Variants in SYTL3 observed in about 807,000 individuals in gnomAD.
The protein encoded by SYTL3 is synaptotagmin-like protein 3.
A neutral mutation model predicts 82.1 loss-of-function variants in SYTL3; 88 were observed. That is an observed-to-expected ratio of 1.07 (90% confidence interval 0.90 to 1.28). The LOEUF is 1.28. Among genes scored for constraint, SYTL3 ranks in the 50% most tolerant of loss-of-function variants. The pLI, the probability that SYTL3 is intolerant of heterozygous loss-of-function variation, is 0.00. For missense variants in SYTL3, 831 were observed against 757.6 expected, an observed-to-expected ratio of 1.10 and a Z score of -1.14; for synonymous variants, 311 against 289.4, an observed-to-expected ratio of 1.07 and a Z score of -0.76.
At chr6:158,669,101 G>A (rs1348437382) in intron 5 of SYTL3, among the ~76,000 whole-genome samples, 2 of 152,180 alleles carry the variant, frequency 1.3e-5, no homozygotes, top group East Asian at 3.8e-4. Flanking sequence ...TTTCTGCAGT[G>A]AAATGGCAGA....
rs535306635 is a variant in SYTL3, at chr6:158,682,356, T to A, written c.330-569T>A. 2.4e-4 allele frequency among the ~76,000 whole-genome samples: 14 copies of A among 57,330 alleles called. No homozygotes were observed. In the South Asian group the frequency reaches 0.011, roughly 46 times the overall value. 37.6% of individuals were successfully genotyped at this position (57,330 alleles called of 152,430 possible). A position where few individuals can be genotyped will look rare whatever the true frequency, so the allele number is the denominator to read the frequency against. Reference sequence around the variant, plus strand: ...ATATGTTAATATGCTTAACATTCACTTTTTTTTTTTTTTTTTTTTTTGAGA... The same window carrying A: ...ATATGTTAATATGCTTAACATTCACATTTTTTTTTTTTTTTTTTTTTGAGA... On this transcript the variant is annotated intron_variant, in intron 5 of 17. Transcript: ENST00000611299.
At chr6:158,647,410 A>C (rs1340781625), upstream of SYTL3, among the ~76,000 whole-genome samples, 1 of 152,128 alleles carries the variant, frequency 6.6e-6, no homozygotes, top group African/African-American at 2.4e-5. Flanking sequence ...TATATGGAGC[A>C]CTCCCTTTGT....
chr6:158,705,884 G>T (rs138407182), intron 6 of SYTL3, among the ~76,000 whole-genome samples: 1 of 152,272 alleles, frequency 6.6e-6, no homozygotes, highest in East Asian at 1.9e-4. Context: ...TCCCAGGTCT[G>T]TGCTCGCCCC....
intron 12 of SYTL3, among the ~76,000 whole-genome samples, chr6:158,748,152 G>A (rs562811706): frequency 6.6e-6 from 1 of 151,860 alleles, no homozygotes; most frequent in South Asian, 2.1e-4. Flanking sequence ...TTTAAGGCAG[G>A]GGCCTCAGTT....
intron 6 of SYTL3, among the ~76,000 whole-genome samples, chr6:158,688,883 T>G (rs1330574654): frequency 6.6e-6 from 1 of 152,228 alleles, no homozygotes; most frequent in Non-Finnish European, 1.5e-5. Flanking sequence ...TAGAGGCAAT[T>G]TCACATGAGT....
At chr6:158,738,191 G>A (rs9457459) in intron 11 of SYTL3, among the ~76,000 whole-genome samples, 96,361 of 152,070 alleles carry the variant, frequency 0.63, 32,730 homozygotes, top group African/African-American at 0.87. Context: ...TGTGTTCCCA[G>A]GTCCACTGTG....
chr6:158,710,045 C>T (rs1376914218), intron 8 of SYTL3, among the ~76,000 whole-genome samples: 1 of 152,106 alleles, frequency 6.6e-6, no homozygotes. Context: ...AACAAACAAA[C>T]TAAAAACAAA....
At chr6:158,757,488 A>C (rs764773748) in intron 14 of SYTL3, 107 bp downstream of exon 14, 78 of 1,254,584 alleles carry the variant, frequency 6.2e-5, no homozygotes, top group Non-Finnish European at 7.9e-5. Flanking sequence ...ACTTGGACCC[A>C]AGACTGTGTG....
At chr6:158,649,541 C>T (rs1330734176), upstream of SYTL3, among the ~76,000 whole-genome samples, 1 of 152,242 alleles carries the variant, frequency 6.6e-6, no homozygotes, top group Non-Finnish European at 1.5e-5. Context: ...AGGGCAGGGA[C>T]ACTTCACGGT....
intron 14 of SYTL3, among the ~76,000 whole-genome samples, chr6:158,759,870 A>G (rs1789671850): frequency 6.6e-6 from 1 of 151,824 alleles, no homozygotes; most frequent in Admixed American, 6.6e-5. Flanking sequence ...AAATTCATAA[A>G]CTTTCTTAAA....
In SYTL3 at chr6:158,745,515, G is replaced by A. The variant is rs1244011305; in HGVS notation, c.891G>A (p.Glu297=). ...SLISIDSTCT[E]MGNFDNANVT... is the part of the protein sequence containing the mutation. ...TTAGCATTGACAGCACCTGTACAGA[G>A]ATGGGCAATTTTGACAATGCTAATG... Residue 297 remains glutamate (E), a synonymous_variant, in exon 12 of 18, where the codon GAG becomes GAA. Transcript: ENST00000611299. 1 of 1,613,384 alleles carries A rather than the reference G, an allele frequency of 6.2e-7. No homozygotes were observed.
Position 158,692,257 on chromosome 6 carries a change from C to CAAAA in SYTL3, c.394+9303_394+9306dup, listed in dbSNP as rs571381475. 8.1e-3 allele frequency among the ~76,000 whole-genome samples: 262 copies of CAAAA among 32,200 alleles called. 62 individuals carry two copies. The highest frequency in any genetic ancestry group is 0.037 in the East Asian group (14 of 374). The allele number at this position is 32,200 out of a possible 152,430, so 21.1% of individuals were successfully genotyped here. A position where few individuals can be genotyped will look rare whatever the true frequency, so the allele number is the denominator to read the frequency against. On this transcript the variant is annotated intron_variant, in intron 6 of 17. Coordinates refer to ENST00000611299, the MANE Select transcript of SYTL3 (RefSeq NM_001242394.2). ...TGGGCGACAGAGCGAGACTCCGTCT[C>CAAAA]AAAAAAAAAAAAAAAAAAAAAAAAA... is the stretch of plus-strand genomic sequence containing the variant.
intron 12 of SYTL3, among the ~76,000 whole-genome samples, chr6:158,749,529 T>TTTTA (rs1390463837): frequency 7.0e-6 from 1 of 142,028 alleles, no homozygotes; most frequent in African/African-American, 2.6e-5. Context: ...TTTTTTTTTT[T>TTTTA]TTTAAGAAAT....
At chr6:158,707,181 C>T (rs774995816) in intron 6 of SYTL3, 49 bp from the exon 7 acceptor site, 2 of 1,553,100 alleles carry the variant, frequency 1.3e-6, no homozygotes, top group Admixed American at 3.3e-5. Flanking sequence ...TTTACATTAG[C>T]TAAGTGCTAT....
Position 158,720,934 on chromosome 6 carries a change from G to A in SYTL3, c.720+2723G>A, listed in dbSNP as rs111910640. On this transcript the variant is annotated intron_variant, in intron 10 of 17. Transcript: ENST00000611299. ...ACGCACCACAGGCTGGGCTTGTGGC[G>A]TTCTGCATGAGGATGGCCCGTGGGT... Among the ~76,000 whole-genome samples the A allele has an allele frequency of 2.4e-3, 365 of 152,298 alleles. 1 individual carries two copies. The highest frequency in any genetic ancestry group is 3.8e-3 in the Non-Finnish European group (261 of 68,030).
intron 10 of SYTL3, 149 bp from the exon 11 acceptor site, chr6:158,725,354 C>T (rs1296211629): frequency 2.3e-5 from 17 of 750,208 alleles, no homozygotes; most frequent in South Asian, 8.6e-5. Context: ...CGCACGTGCA[C>T]GCATTTACCA....
At position 158,764,531 on chromosome 6, in the gene SYTL3, T is replaced by A. The variant is rs3123101; in HGVS notation, c.1760T>A (p.Leu587Gln). Residue 587 changes from leucine (L) to glutamine (Q), a missense_variant, in exon 18 of 18, where the codon CTA becomes CAA. By Grantham distance (113) the Leu-to-Gln change is moderately radical. Coordinates refer to ENST00000611299, the MANE Select transcript of SYTL3 (RefSeq NM_001242394.2). ...GCTGTTGGCGGGGATGCATGCTCAC[T>A]ATCGAAGCTCCAGTGGCAGAAAGTC... is the stretch of plus-strand genomic sequence containing the variant. ...DTAVGGDACS[L>Q]SKLQWQKVLS... 0.71 allele frequency: 1,146,835 copies of A among 1,613,488 alleles called. 421,058 individuals carry two copies. Among genetic ancestry groups the A allele is most frequent in the Non-Finnish European group, 0.76 (891,703 of 1,179,694 alleles).
chr6:158,756,212 C>T (rs1028769553), intron 13 of SYTL3, among the ~76,000 whole-genome samples: 1 of 152,186 alleles, frequency 6.6e-6, no homozygotes, highest in African/African-American at 2.4e-5. Context: ...GGGCAGAACC[C>T]ATGCTTGGCT....
At chr6:158,669,211 G>C (rs1184590870) in intron 5 of SYTL3, among the ~76,000 whole-genome samples, 1 of 152,154 alleles carries the variant, frequency 6.6e-6, no homozygotes, top group Non-Finnish European at 1.5e-5. Context: ...ATTTATGTTT[G>C]CATTAATTTT....
Sources: allele counts gnomAD v4.1 joint callset (sites outside exome capture counted in the v4.1 genomes callset), GRCh38; gene constraint gnomAD v4.1.1; transcripts MANE v1.5; gene names NCBI Gene and HGNC (gene_info 2026-07-23, HGNC 2026-07-21).